The following VEPH1 variants were observed in gnomAD, a reference collection of about 807,000 sequenced individuals.
VEPH1 encodes the protein ventricular zone expressed PH domain containing 1, also known as ventricular zone-expressed PH domain-containing protein homolog 1.
In VEPH1, 80 loss-of-function variants were observed where a neutral mutation model predicts 85.2. That is an observed-to-expected ratio of 0.94 (90% CI 0.78 to 1.13). VEPH1 has a LOEUF of 1.13. VEPH1 is among the 50% of genes most tolerant of loss of function. The probability of loss-of-function intolerance (pLI) is 0.00; values close to 1 mark genes in which losing one functional copy is unlikely to be tolerated. For missense variants in VEPH1, 955 were observed against 980.5 expected, an observed-to-expected ratio of 0.97 and a Z score of 0.35; for synonymous variants, 297 against 348.0, an observed-to-expected ratio of 0.85 and a Z score of 1.63.
chr3:157,495,513 G>A lies in VEPH1; in HGVS notation c.-157-7C>T, dbSNP rs1318554038. On this transcript the variant is annotated splice_region_variant and splice_polypyrimidine_tract_variant and intron_variant, in intron 1 of 13. Transcript: ENST00000362010. The stretch of plus-strand genomic sequence containing the variant: ...AGGTCTTCATTGACACTCTCTGCAA[G>A]GGAAACAAATGACACAATGTAGCCA... 2.8e-6 allele frequency: 4 copies of A among 1,445,138 alleles called. No individual in the cohort carries two copies. The highest frequency in any genetic ancestry group is 3.6e-6 in the Non-Finnish European group (4 of 1,101,116). The allele number at this position is 1,445,138 out of a possible 1,614,324, so 89.5% of individuals were successfully genotyped here.
intron 11 of VEPH1, among the ~76,000 whole-genome samples, chr3:157,301,742 T>G (rs34650246): frequency 0.2 from 31,046 of 152,140 alleles, 3,471 homozygotes; most frequent in Non-Finnish European, 0.27. Context: ...CTACACTTTC[T>G]GAGGTTCTTT....
At chr3:157,289,200 A>G (rs1183423551) in intron 11 of VEPH1, among the ~76,000 whole-genome samples, 2 of 152,236 alleles carry the variant, frequency 1.3e-5, no homozygotes, top group Non-Finnish European at 2.9e-5. Flanking sequence ...CCACACAATT[A>G]AGGATCAATT....
intron 7 of VEPH1, among the ~76,000 whole-genome samples, chr3:157,379,824 T>C (rs1359701331): frequency 6.6e-6 from 1 of 152,172 alleles, no homozygotes; most frequent in East Asian, 1.9e-4. Context: ...TCCTCTGTCA[T>C]TTAGTCATTG....
intron 4 of VEPH1, among the ~76,000 whole-genome samples, chr3:157,434,194 G>C (rs1455740355): frequency 6.6e-6 from 1 of 151,908 alleles, no homozygotes; most frequent in African/African-American, 2.4e-5. Flanking sequence ...TACTTGCTTG[G>C]TGTGTTCTCT....
chr3:157,326,433 G>A (rs1500914), intron 9 of VEPH1, among the ~76,000 whole-genome samples: 37,104 of 151,944 alleles, frequency 0.24, 4,960 homozygotes, highest in South Asian at 0.34. Flanking sequence ...GCCAAAATTG[G>A]GTTATGCAGC....
chr3:157,425,905 C>T (rs1034430073), intron 5 of VEPH1, among the ~76,000 whole-genome samples: 16 of 152,208 alleles, frequency 1.1e-4, no homozygotes, highest in Middle Eastern at 3.4e-3. Flanking sequence ...ATGGGAGGGA[C>T]GCAGTGGGAG....
At chr3:157,315,147 T>C (rs1015835458) in intron 10 of VEPH1, among the ~76,000 whole-genome samples, 4 of 152,186 alleles carry the variant, frequency 2.6e-5, no homozygotes, top group African/African-American at 9.6e-5. Flanking sequence ...TAAGCACTGG[T>C]GTATGAGACT....
In VEPH1 at chr3:157,414,595, GTAA is replaced by G. The variant is rs1236935304; in HGVS notation, c.697-508_697-506del. On this transcript the variant is annotated intron_variant, in intron 5 of 13. Transcript: ENST00000362010. ...AATTTTCCATTTTGATCACAAAAAT[GTAA>G]TAATAAGATAAAATTATTAAAGCAA... is the stretch of plus-strand genomic sequence containing the variant. 3.3e-5 allele frequency among the ~76,000 whole-genome samples: 5 copies of G among 152,074 alleles called. No homozygotes were observed. The South Asian group carries it at 8.3e-4, about 25-fold the overall frequency.
At chr3:157,370,712 A>G (rs1727388072) in intron 7 of VEPH1, among the ~76,000 whole-genome samples, 1 of 152,240 alleles carries the variant, frequency 6.6e-6, no homozygotes, top group African/African-American at 2.4e-5. Context: ...GGGGATCAGA[A>G]TGTGATCATG....
rs150086179 is a variant in VEPH1, at chr3:157,358,089, G to A, written c.1735+5275C>T. 2.8e-3 allele frequency among the ~76,000 whole-genome samples: 425 copies of A among 152,288 alleles called. 5 individuals carry two copies. The East Asian group carries it at 0.043, about 15-fold the overall frequency. On this transcript the variant is annotated intron_variant, in intron 9 of 13. Transcript: ENST00000362010. Reference sequence around the variant, plus strand: ...GCAGAGAGTCTTTTCAAAAGGATTTGTAAATCTTCATTTCTTCTTGTTATT... The same window carrying A: ...GCAGAGAGTCTTTTCAAAAGGATTTATAAATCTTCATTTCTTCTTGTTATT...
intron 9 of VEPH1, among the ~76,000 whole-genome samples, chr3:157,343,570 G>A (rs1279587997): frequency 2.0e-5 from 3 of 152,084 alleles, no homozygotes; most frequent in African/African-American, 7.2e-5. Context: ...AGGACCAGAC[G>A]GATTCACAGC....
At chr3:157,294,648 AGC>A (rs1302229349) in intron 11 of VEPH1, among the ~76,000 whole-genome samples, 1 of 152,210 alleles carries the variant, frequency 6.6e-6, no homozygotes, top group Non-Finnish European at 1.5e-5. Context: ...TGTGGATGTG[AGC>A]AAAAATTTTT....
At chr3:157,484,632 A>C (rs1343780518) in intron 2 of VEPH1, among the ~76,000 whole-genome samples, 1 of 152,226 alleles carries the variant, frequency 6.6e-6, no homozygotes, top group Non-Finnish European at 1.5e-5. Context: ...TTTCAAGGGT[A>C]TTACACAGGT....
At chr3:157,442,435 CA>C (rs780989732) in intron 4 of VEPH1, 1 of 1,614,084 alleles carries the variant, frequency 6.2e-7, no homozygotes, top group Non-Finnish European at 8.5e-7. Flanking sequence ...CCAGTGAGAC[CA>C]ATGAGGCTTG....
chr3:157,481,412 T>C (rs991842886), intron 2 of VEPH1, among the ~76,000 whole-genome samples: 19 of 120,526 alleles, frequency 1.6e-4, no homozygotes, highest in African/African-American at 4.0e-4. Context: ...AGAAAACTAT[T>C]CTAAAATTCA....
At chr3:157,448,317 T>A (rs1446024854) in intron 4 of VEPH1, among the ~76,000 whole-genome samples, 2 of 152,192 alleles carry the variant, frequency 1.3e-5, no homozygotes, top group African/African-American at 2.4e-5. Context: ...TACTTAAGTT[T>A]CCAATCATTT....
chr3:157,346,428 A>G (rs1724230023), intron 9 of VEPH1, among the ~76,000 whole-genome samples: 1 of 152,198 alleles, frequency 6.6e-6, no homozygotes, highest in Admixed American at 6.5e-5. Context: ...GAATTTCTTA[A>G]GCCCCAAATG....
chr3:157,414,826 C>T (rs1043504259), intron 5 of VEPH1, among the ~76,000 whole-genome samples: 1 of 152,092 alleles, frequency 6.6e-6, no homozygotes, highest in African/African-American at 2.4e-5. Context: ...CTGTGGGAAA[C>T]TGAACAACAA....
chr3:157,381,039 T>A (rs1328343260), intron 7 of VEPH1, 117 bp downstream of exon 7: 1 of 978,484 alleles, frequency 1.0e-6, no homozygotes, highest in Admixed American at 2.1e-5. Context: ...ACAGATATTA[T>A]TCTCTGTTGA....
Sources: allele counts gnomAD v4.1 joint callset (sites outside exome capture counted in the v4.1 genomes callset), GRCh38; gene constraint gnomAD v4.1.1; transcripts MANE v1.5; gene names NCBI Gene and HGNC (gene_info 2026-07-23, HGNC 2026-07-21).